The following JAKMIP1 variants were observed in gnomAD, a reference collection of about 807,000 sequenced individuals.
JAKMIP1 encodes the protein janus kinase and microtubule interacting protein 1, also known as janus kinase and microtubule-interacting protein 1.
A neutral mutation model predicts 113.0 loss-of-function variants in JAKMIP1; 33 were observed. The ratio of observed to expected loss-of-function variants is 0.29; its 90% confidence interval spans 0.22 to 0.39. JAKMIP1 has a LOEUF of 0.39. Ranked by LOEUF, JAKMIP1 falls within the 10% of genes least tolerant of loss-of-function variation. The pLI, the probability that JAKMIP1 is intolerant of heterozygous loss-of-function variation, is 1.00. For missense variants in JAKMIP1, 813 were observed against 1,080.5 expected, an observed-to-expected ratio of 0.75 and a Z score of 3.47; for synonymous variants, 480 against 459.9, an observed-to-expected ratio of 1.04 and a Z score of -0.56.
At chr4:6,114,929 T>G (rs945406848) in intron 1 of JAKMIP1, among the ~76,000 whole-genome samples, 2 of 152,222 alleles carry the variant, frequency 1.3e-5, no homozygotes, top group African/African-American at 4.8e-5. Context: ...TTCCTTTCTG[T>G]GGCCACTTCT....
intron 1 of JAKMIP1, among the ~76,000 whole-genome samples, chr4:6,128,741 T>C (rs1187757802): frequency 6.6e-6 from 1 of 152,134 alleles, no homozygotes; most frequent in Non-Finnish European, 1.5e-5. Flanking sequence ...CCCCCAGCCT[T>C]GCCACCTGCA....
chr4:6,048,769 C>T (rs1033968209), intron 16 of JAKMIP1, 88 bp downstream of exon 16: 45 of 1,128,542 alleles, frequency 4.0e-5, no homozygotes, highest in African/African-American at 1.4e-4. Flanking sequence ...CATGCTCCCA[C>T]GCAAAGCAAG....
rs1234570574 is a variant in JAKMIP1, at chr4:6,186,531, T to C, written c.-148+13722A>G. Among the ~76,000 whole-genome samples, 1 of 152,242 alleles carries C rather than the reference T, an allele frequency of 6.6e-6. No individual in the cohort carries two copies. Among genetic ancestry groups the C allele is most frequent in the Non-Finnish European group, 1.5e-5 (1 of 68,046 alleles). On this transcript the variant is annotated intron_variant, in intron 1 of 20. Coordinates refer to ENST00000409021, the MANE Select transcript of JAKMIP1 (RefSeq NM_001099433.2). The surrounding 1 kb of genome is among the most constrained non-coding windows in gnomAD (Gnocchi z 5.5). ...TGCATTGTAGTCACAGAACGTGCTT[T>C]GCTTTTTTGTTTGCTTGTTTTCTCT...
In JAKMIP1 at chr4:6,098,546, A is replaced by AAAAGAAAGAAAGAAAGAAAGAAAGAAAG. The variant is rs759936324; in HGVS notation, c.624+6899_624+6926dup. Reference sequence around the variant, plus strand: ...AGAAAGAGAGAGAGAGAGAGAAAGAAAAAGAAAGAAAGAAAGAAAGAAAGA... The same window carrying AAAAGAAAGAAAGAAAGAAAGAAAGAAAG: ...AGAAAGAGAGAGAGAGAGAGAAAGAAAAAGAAAGAAAGAAAGAAAGAAAGAAAGAAAGAAAGAAAGAAAGAAAGAAAGA... On this transcript the variant is annotated intron_variant, in intron 3 of 20. Coordinates refer to ENST00000409021, the MANE Select transcript of JAKMIP1 (RefSeq NM_001099433.2). Among the ~76,000 whole-genome samples the AAAAGAAAGAAAGAAAGAAAGAAAGAAAG allele has an allele frequency of 4.8e-3, 222 of 46,528 alleles. 1 individual carries two copies. Among genetic ancestry groups the AAAAGAAAGAAAGAAAGAAAGAAAGAAAG allele is most frequent in the African/African-American group, 0.01 (200 of 19,088 alleles). 30.5% of individuals were successfully genotyped at this position (46,528 alleles called of 152,430 possible). A position where few individuals can be genotyped will look rare whatever the true frequency, so the allele number is the denominator to read the frequency against.
intron 1 of JAKMIP1, among the ~76,000 whole-genome samples, chr4:6,114,358 C>G (rs796562419): frequency 5.9e-5 from 9 of 152,280 alleles, no homozygotes; most frequent in African/African-American, 2.2e-4. Flanking sequence ...AGGTGAGGAC[C>G]TGAAGCTGGA....
intron 1 of JAKMIP1, among the ~76,000 whole-genome samples, chr4:6,126,597 A>G (rs764373200): frequency 6.7e-6 from 1 of 148,682 alleles, no homozygotes; most frequent in South Asian, 2.2e-4. Flanking sequence ...CCATGCAGAA[A>G]CACACACACC....
At chr4:6,191,132 A>G (rs933342128) in intron 1 of JAKMIP1, among the ~76,000 whole-genome samples, 2 of 152,204 alleles carry the variant, frequency 1.3e-5, no homozygotes, top group Admixed American at 1.3e-4. Context: ...AGAGCCACTG[A>G]GTGGCCAAGA....
intron 20 of JAKMIP1, among the ~76,000 whole-genome samples, chr4:6,028,519 C>A (rs1254049890): frequency 6.6e-6 from 1 of 152,262 alleles, no homozygotes; most frequent in Non-Finnish European, 1.5e-5. Context: ...GCTGTCCCAT[C>A]TCTCTGGGCA....
chr4:6,056,240 C>A (rs935898010), intron 12 of JAKMIP1, among the ~76,000 whole-genome samples: 52 of 151,430 alleles, frequency 3.4e-4, no homozygotes, highest in Non-Finnish European at 6.6e-4. Context: ...ACCTGCCCTC[C>A]CCATTTCTGC....
intron 2 of JAKMIP1, among the ~76,000 whole-genome samples, chr4:6,107,569 G>A (rs1714166747): frequency 6.6e-6 from 1 of 152,180 alleles, no homozygotes; most frequent in Non-Finnish European, 1.5e-5. Context: ...GGCTTTAAGA[G>A]AAGACCGAGG....
chr4:6,171,169 CACCATT>C (rs1724622253), intron 1 of JAKMIP1, among the ~76,000 whole-genome samples: 1 of 151,036 alleles, frequency 6.6e-6, no homozygotes, highest in African/African-American at 2.4e-5. Flanking sequence ...CCATCTCCAT[CACCATT>C]ACCACCACCA....
intron 1 of JAKMIP1, among the ~76,000 whole-genome samples, chr4:6,134,894 C>G (rs921486925): frequency 6.6e-6 from 1 of 151,584 alleles, no homozygotes; most frequent in Non-Finnish European, 1.5e-5. Flanking sequence ...AAAGACAGCC[C>G]AAAACACGCA....
intron 19 of JAKMIP1, 82 bp from the exon 20 acceptor site, chr4:6,029,863 G>A: frequency 1.0e-6 from 1 of 975,810 alleles, no homozygotes; most frequent in Non-Finnish European, 1.6e-6. Flanking sequence ...TTGTGGTCTA[G>A]CACAGAAGCT....
rs1718651199 is a variant in JAKMIP1 at position 6,069,503 on chromosome 4, C to T, written c.1303-4495G>A. Among the ~76,000 whole-genome samples the T allele has an allele frequency of 6.6e-6, 1 of 152,152 alleles. No homozygotes were observed. The highest frequency in any genetic ancestry group is 1.5e-5 in the Non-Finnish European group (1 of 68,040). On this transcript the variant is annotated intron_variant, in intron 8 of 20. Transcript: ENST00000409021. The surrounding 1 kb of genome is among the most constrained non-coding windows in gnomAD (Gnocchi z 4.5). Reference sequence around the variant, plus strand: ...GTGGCTCATGCCTGTAATCCCAGCACTTTGGGAGGCTGAGGCAGAAAGATC... The same window carrying T: ...GTGGCTCATGCCTGTAATCCCAGCATTTTGGGAGGCTGAGGCAGAAAGATC...
chr4:6,126,250 AACAC>A (rs1285662441), intron 1 of JAKMIP1, among the ~76,000 whole-genome samples: 14 of 139,084 alleles, frequency 1.0e-4, no homozygotes, highest in African/African-American at 3.5e-4. Flanking sequence ...ACCATGGAGA[AACAC>A]ACACACACAC....
chr4:6,173,954 A>G (rs1725042725), intron 1 of JAKMIP1, among the ~76,000 whole-genome samples: 1 of 152,180 alleles, frequency 6.6e-6, no homozygotes, highest in Non-Finnish European at 1.5e-5. Flanking sequence ...TTGTGATCCC[A>G]GCTACTTGGG....
chr4:6,195,471 G>A (rs1727742451), intron 1 of JAKMIP1, among the ~76,000 whole-genome samples: 1 of 152,142 alleles, frequency 6.6e-6, no homozygotes, highest in Admixed American at 6.5e-5. Flanking sequence ...AAATGATCAG[G>A]TGCTAGGCCA....
rs34584649 is a variant in JAKMIP1 at position 6,186,940 on chromosome 4, C to T, written c.-148+13313G>A. 0.19 allele frequency among the ~76,000 whole-genome samples: 28,647 copies of T among 152,106 alleles called. 2,774 individuals carry two copies. The highest frequency in any genetic ancestry group is 0.28 in the South Asian group (1,325 of 4,812). ...CCTCCCCAGGCTCAGGTGATCCTCT[C>T]ACCTCAGCCTCCTAAGTAGCTGGGA... On this transcript the variant is annotated intron_variant, in intron 1 of 20. Coordinates refer to ENST00000409021, the MANE Select transcript of JAKMIP1 (RefSeq NM_001099433.2). The surrounding 1 kb of genome is among the most constrained non-coding windows in gnomAD (Gnocchi z 5.5).
chr4:6,029,578 T>C (rs1712315324), intron 20 of JAKMIP1, 138 bp downstream of exon 20: 6 of 641,534 alleles, frequency 9.4e-6, no homozygotes, highest in South Asian at 7.8e-5. Flanking sequence ...TTCCATGAGA[T>C]GCTGATTTAG....
Sources: gnomAD v4.1 joint callset for allele counts (sites outside exome capture counted in the v4.1 genomes callset) on GRCh38, gnomAD v4.1.1 for gene constraint, Gnocchi (gnomAD v3.1) non-coding constraint, MANE v1.5 for transcripts, NCBI Gene and HGNC (gene_info 2026-07-23, HGNC 2026-07-21) for gene names.